PDE1A: variants seen among roughly 807,000 people sequenced by gnomAD.
PDE1A encodes the protein phosphodiesterase 1A.
A neutral mutation model predicts 61.7 loss-of-function variants in PDE1A; 35 were observed. That is an observed-to-expected ratio of 0.57 (90% confidence interval 0.43 to 0.75). The LOEUF (loss-of-function observed/expected upper bound fraction) is 0.75. Ranked by LOEUF, PDE1A falls within the 30% of genes least tolerant of loss-of-function variation. The pLI is 0.00. For synonymous variants in PDE1A, 232 were observed against 213.2 expected (o/e 1.09, Z -0.77); for missense variants, 597 against 630.6 (o/e 0.95, Z 0.57).
the PDE1A span, among the ~76,000 whole-genome samples, chr2:182,634,276 A>G: frequency 6.6e-6 from 1 of 152,172 alleles, no homozygotes; most frequent in Non-Finnish European, 1.5e-5. Context: ...CGTAGAGCCA[A>G]AACATCTCCA....
chr2:182,619,567 G>A, the PDE1A span, among the ~76,000 whole-genome samples: 3 of 152,040 alleles, frequency 2.0e-5, no homozygotes, highest in African/African-American at 7.2e-5. Flanking sequence ...TTTTGACATG[G>A]GGAAATACTC....
intron 2 of PDE1A, among the ~76,000 whole-genome samples, chr2:182,451,907 A>G (rs1279874703): frequency 6.6e-6 from 1 of 151,886 alleles, no homozygotes; most frequent in Non-Finnish European, 1.5e-5. Context: ...TTCACCATTC[A>G]GTGCCAAACA....
At position 182,168,697 on chromosome 2, in the gene PDE1A, T is replaced by A. The variant is rs568876374; in HGVS notation, c.1517-407A>T. Among the ~76,000 whole-genome samples, 3 of 152,274 alleles carry A rather than the reference T, an allele frequency of 2.0e-5. No individual in the cohort carries two copies. The South Asian group carries it at 6.2e-4, about 32-fold the overall frequency. Reference sequence around the variant, plus strand: ...ACAAATAGTATGCAATGCAAATATTTGGATGTAGAATTTTATTATGTAAAG... The same window carrying A: ...ACAAATAGTATGCAATGCAAATATTAGGATGTAGAATTTTATTATGTAAAG... On this transcript the variant is annotated intron_variant, in intron 13 of 13. Transcript: ENST00000351439.
intron 2 of PDE1A, among the ~76,000 whole-genome samples, chr2:182,455,075 C>T (rs189852024): frequency 2.6e-5 from 4 of 151,814 alleles, no homozygotes; most frequent in Non-Finnish European, 4.4e-5. Context: ...AAACAAACAA[C>T]CCCATCAAAA....
At chr2:182,192,199 A>G (rs1458881205) in intron 10 of PDE1A, among the ~76,000 whole-genome samples, 1 of 152,020 alleles carries the variant, frequency 6.6e-6, no homozygotes, top group Non-Finnish European at 1.5e-5. Flanking sequence ...ATGGCAACAT[A>G]TTTCCTATAG....
chr2:182,470,010 C>A (rs936682670), intron 2 of PDE1A, among the ~76,000 whole-genome samples: 5 of 151,282 alleles, frequency 3.3e-5, no homozygotes, highest in African/African-American at 1.2e-4. Flanking sequence ...CAGATCACCA[C>A]AATAAATATA....
intron 1 of PDE1A, among the ~76,000 whole-genome samples, chr2:182,388,669 A>G (rs13420210): frequency 6.6e-6 from 1 of 152,040 alleles, no homozygotes; most frequent in African/African-American, 2.4e-5. Flanking sequence ...AAAAGCAGTT[A>G]TAAGAGGAAA....
chr2:182,228,384 G>A (rs1216662345), intron 6 of PDE1A, among the ~76,000 whole-genome samples: 1 of 152,088 alleles, frequency 6.6e-6, no homozygotes, highest in African/African-American at 2.4e-5. Context: ...TGCTACTAGA[G>A]TGCTTCATAA....
At chr2:182,547,566 A>G in the PDE1A span, among the ~76,000 whole-genome samples, 1 of 152,218 alleles carries the variant, frequency 6.6e-6, no homozygotes, top group Non-Finnish European at 1.5e-5. Flanking sequence ...AATACTAATT[A>G]AAACACATAA....
the PDE1A span, among the ~76,000 whole-genome samples, chr2:182,643,401 G>A: frequency 6.6e-6 from 1 of 152,158 alleles, no homozygotes; most frequent in African/African-American, 2.4e-5. Flanking sequence ...GGTTCTCTCT[G>A]GGTCTGGCTC....
At chr2:182,224,002 G>T in intron 6 of PDE1A, 38 bp from the exon 7 acceptor site, 1 of 1,355,098 alleles carries the variant, frequency 7.4e-7, no homozygotes, top group Non-Finnish European at 1.0e-6. Flanking sequence ...TATTCAAGAA[G>T]TAGATAACAT....
intron 10 of PDE1A, among the ~76,000 whole-genome samples, chr2:182,194,732 T>C (rs551361200): frequency 2.6e-5 from 4 of 152,146 alleles, no homozygotes; most frequent in Non-Finnish European, 5.9e-5. Flanking sequence ...ATAATACAAA[T>C]AGCTTGTCTT....
At chr2:182,497,790 C>T (rs944905323) in intron 2 of PDE1A, among the ~76,000 whole-genome samples, 13 of 151,960 alleles carry the variant, frequency 8.6e-5, no homozygotes, top group African/African-American at 3.1e-4. Flanking sequence ...CGCCTGTAAT[C>T]CCAGCACTTT....
chr2:182,313,932 T>A (rs561438281), intron 1 of PDE1A, among the ~76,000 whole-genome samples: 1 of 152,326 alleles, frequency 6.6e-6, no homozygotes, highest in African/African-American at 2.4e-5. Context: ...AACATACGTA[T>A]TGTAGGAATA....
chr2:182,487,670 T>C (rs1004570462), intron 2 of PDE1A, among the ~76,000 whole-genome samples: 2 of 152,086 alleles, frequency 1.3e-5, no homozygotes, highest in African/African-American at 2.4e-5. Flanking sequence ...TGGGGATGGG[T>C]AGGAGTGGGC....
chr2:182,559,514 T>C, the PDE1A span, among the ~76,000 whole-genome samples: 1 of 152,292 alleles, frequency 6.6e-6, no homozygotes, highest in African/African-American at 2.4e-5. Context: ...ACCAGAATTC[T>C]CTGACATTGC....
intron 13 of PDE1A, among the ~76,000 whole-genome samples, chr2:182,182,994 G>C (rs1286077821): frequency 6.6e-6 from 1 of 151,988 alleles, no homozygotes; most frequent in African/African-American, 2.4e-5. Context: ...GCTGGATTTA[G>C]AATTCAGCAT....
At chr2:182,684,670 C>A in the PDE1A span, among the ~76,000 whole-genome samples, 1 of 152,168 alleles carries the variant, frequency 6.6e-6, no homozygotes, top group Admixed American at 6.5e-5. Flanking sequence ...CTTGCCTCAG[C>A]CTCCCGAGCA....
intron 1 of PDE1A, among the ~76,000 whole-genome samples, chr2:182,387,193 C>A (rs1037791702): frequency 6.6e-6 from 1 of 152,138 alleles, no homozygotes; most frequent in Admixed American, 6.5e-5. Flanking sequence ...GCAAGATGTG[C>A]TTTGTTAAGC....
Sources: gnomAD v4.1 joint callset for allele counts (sites outside exome capture counted in the v4.1 genomes callset) on GRCh38, gnomAD v4.1.1 for gene constraint, MANE v1.5 for transcripts, NCBI Gene and HGNC (gene_info 2026-07-23, HGNC 2026-07-21) for gene names.